The following CTNNA3 variants were observed in gnomAD, a reference collection of about 807,000 sequenced individuals.
CTNNA3 encodes the protein catenin alpha-3.
A neutral mutation model predicts 95.7 loss-of-function variants in CTNNA3; 76 were observed. The ratio of observed to expected loss-of-function variants is 0.79; its 90% confidence interval spans 0.66 to 0.96. The LOEUF is 0.96. Ranked by LOEUF, CTNNA3 falls within the 40% of genes least tolerant of loss-of-function variation. CTNNA3 has a pLI of 0.00. For missense variants in CTNNA3, 1,191 were observed against 1,089.8 expected (o/e 1.09, Z -1.31); for synonymous variants, 431 against 374.4 (o/e 1.15, Z -1.74).
intron 7 of CTNNA3, among the ~76,000 whole-genome samples, chr10:67,073,192 A>C (rs1234184728): frequency 6.6e-6 from 1 of 152,172 alleles, no homozygotes; most frequent in African/African-American, 2.4e-5. Flanking sequence ...TATCTAATTT[A>C]TTTGGTTTGT....
chr10:67,176,854 AG>A (rs1301608399), intron 7 of CTNNA3: 1 of 456,202 alleles, frequency 2.2e-6, no homozygotes, highest in South Asian at 1.6e-5. Flanking sequence ...CCAAGGAATG[AG>A]GGTGACCTCT....
chr10:66,339,153 T>G lies in CTNNA3; in HGVS notation c.1732+39999A>C, dbSNP rs183000450. Reference sequence around the variant, plus strand: ...AGCTAACACATATGAAACATGTGCATTCTTAAACACAGTGAGCAACACATG... The same window carrying G: ...AGCTAACACATATGAAACATGTGCAGTCTTAAACACAGTGAGCAACACATG... On this transcript the variant is annotated intron_variant, in intron 12 of 17. Coordinates refer to ENST00000433211, the MANE Select transcript of CTNNA3 (RefSeq NM_013266.4). Among the ~76,000 whole-genome samples, 1,219 of 152,012 alleles carry G rather than the reference T, an allele frequency of 8.0e-3. 22 individuals carry two copies. Among genetic ancestry groups the G allele is most frequent in the African/African-American group, 0.028 (1,159 of 41,556 alleles).
intron 13 of CTNNA3, among the ~76,000 whole-genome samples, chr10:66,147,802 T>TATAGTATGC (rs1273947006): frequency 6.6e-6 from 1 of 151,070 alleles, no homozygotes; most frequent in Non-Finnish European, 1.5e-5. Context: ...GTATAGTATG[T>TATAGTATGC]ATGTATAGTA....
chr10:66,228,381 A>G (rs1589792173), intron 13 of CTNNA3, among the ~76,000 whole-genome samples: 1 of 151,870 alleles, frequency 6.6e-6, no homozygotes, highest in East Asian at 1.9e-4. Context: ...CATTTCTTTG[A>G]AGAAATTTCT....
At chr10:66,308,205 GC>G (rs1199690990) in intron 12 of CTNNA3, among the ~76,000 whole-genome samples, 1 of 152,122 alleles carries the variant, frequency 6.6e-6, no homozygotes, top group African/African-American at 2.4e-5. Flanking sequence ...AGAAAAAATA[GC>G]CAGGCCTTGA....
chr10:67,632,126 CCACACACACA>C (rs71006156), intron 2 of CTNNA3, among the ~76,000 whole-genome samples: 9,062 of 139,034 alleles, frequency 0.065, 310 homozygotes, highest in South Asian at 0.11. Flanking sequence ...AGTGTCTTAG[CCACACACACA>C]CACACACACA....
At chr10:67,358,418 C>T (rs564838054) in intron 5 of CTNNA3, among the ~76,000 whole-genome samples, 2 of 152,248 alleles carry the variant, frequency 1.3e-5, no homozygotes, top group African/African-American at 4.8e-5. Flanking sequence ...AACCATCACA[C>T]TTTGCACAGA....
rs190206043 is a variant in CTNNA3, at chr10:67,126,255, G to A, written c.1047+54062C>T. On this transcript the variant is annotated intron_variant, in intron 7 of 17. Transcript: ENST00000433211. Reference sequence around the variant, plus strand: ...ATAAGAATACAAAATTAGGCCAGGCGTGGTGGCTCACGCCTGTAATCCCAG... The same window carrying A: ...ATAAGAATACAAAATTAGGCCAGGCATGGTGGCTCACGCCTGTAATCCCAG... 5.9e-5 allele frequency among the ~76,000 whole-genome samples: 9 copies of A among 152,318 alleles called. No homozygotes were observed. The East Asian group carries it at 1.2e-3, about 20-fold the overall frequency.
At chr10:66,952,814 G>T (rs1449076152) in intron 7 of CTNNA3, among the ~76,000 whole-genome samples, 2 of 151,724 alleles carry the variant, frequency 1.3e-5, no homozygotes, top group Non-Finnish European at 2.9e-5. Flanking sequence ...AGCCCTGCTT[G>T]TAATTTATTA....
chr10:66,484,990 T>C (rs929637374), intron 11 of CTNNA3, among the ~76,000 whole-genome samples: 3 of 152,158 alleles, frequency 2.0e-5, no homozygotes, highest in Admixed American at 1.3e-4. Context: ...AAAAACTATA[T>C]GGTTATATCA....
rs768710407 is a variant in CTNNA3 at position 67,648,732 on chromosome 10, T to G, written c.-5-1214A>C. The G allele has an allele frequency of 2.7e-4, 348 of 1,289,464 alleles. No individual in the cohort carries two copies. Among genetic ancestry groups the G allele is most frequent in the Non-Finnish European group, 3.5e-4 (343 of 988,690 alleles). The allele number at this position is 1,289,464 out of a possible 1,614,324, so 79.9% of individuals were successfully genotyped here. ...AAGTCAAAGCCCTACAATTTAGCCC[T>G]GTTTTACCTTGTTTCTCTCTCCTTT... On this transcript the variant is annotated intron_variant, in intron 1 of 17. Coordinates refer to ENST00000433211, the MANE Select transcript of CTNNA3 (RefSeq NM_013266.4).
At chr10:66,251,869 C>T (rs2135731) in intron 13 of CTNNA3, among the ~76,000 whole-genome samples, 25,427 of 152,044 alleles carry the variant, frequency 0.17, 2,437 homozygotes, top group Admixed American at 0.26. Context: ...TTTATCATCC[C>T]CATTTTGCAA....
chr10:67,736,484 C>T (rs1450815248), intron 1 of CTNNA3, among the ~76,000 whole-genome samples: 1 of 125,596 alleles, frequency 8.0e-6, no homozygotes, highest in African/African-American at 3.1e-5. Context: ...GAGACGGAGT[C>T]TCTCTCTGTC....
intron 7 of CTNNA3, among the ~76,000 whole-genome samples, chr10:67,073,780 T>C (rs1856590420): frequency 6.6e-6 from 1 of 152,150 alleles, no homozygotes; most frequent in Non-Finnish European, 1.5e-5. Context: ...AAAATTCTCA[T>C]GAAAAATGCT....
Position 66,793,122 on chromosome 10 carries a change from G to C in CTNNA3, c.1048-17598C>G, listed in dbSNP as rs142299034. ...AATCCACAGGTGTAATGAGGTTTTG[G>C]GGGGAGTAGGTTTTTGTTTCATTTT... On this transcript the variant is annotated intron_variant, in intron 7 of 17. Coordinates refer to ENST00000433211, the MANE Select transcript of CTNNA3 (RefSeq NM_013266.4). Among the ~76,000 whole-genome samples the C allele has an allele frequency of 6.0e-4, 91 of 152,024 alleles. 2 individuals carry two copies. The East Asian group carries it at 0.014, about 24-fold the overall frequency.
In CTNNA3 at chr10:66,234,579, T is replaced by C. The variant is rs146008577; in HGVS notation, c.1884+45891A>G. On this transcript the variant is annotated intron_variant, in intron 13 of 17. Coordinates refer to ENST00000433211, the MANE Select transcript of CTNNA3 (RefSeq NM_013266.4). ...AAGATCTAATTTTTATAAAATTGTG[T>C]TACAAGTATTTGATTGAGACTGACA... Among the ~76,000 whole-genome samples the C allele has an allele frequency of 4.4e-3, 665 of 152,342 alleles. 3 individuals carry two copies. The highest frequency in any genetic ancestry group is 7.1e-3 in the Non-Finnish European group (484 of 68,032).
At chr10:67,600,211 A>G (rs1469833175) in intron 3 of CTNNA3, among the ~76,000 whole-genome samples, 2 of 152,160 alleles carry the variant, frequency 1.3e-5, no homozygotes, top group Non-Finnish European at 2.9e-5. Context: ...TCTAATTCAC[A>G]CAATTCATAA....
chr10:67,542,250 A>G (rs992659099), intron 3 of CTNNA3, among the ~76,000 whole-genome samples: 1 of 152,074 alleles, frequency 6.6e-6, no homozygotes, highest in Non-Finnish European at 1.5e-5. Flanking sequence ...ATCACTTCCT[A>G]TGGGAAGCTT....
intron 5 of CTNNA3, among the ~76,000 whole-genome samples, chr10:67,388,481 A>T (rs1844296428): frequency 1.6e-5 from 2 of 126,088 alleles, no homozygotes; most frequent in Middle Eastern, 3.8e-3. Context: ...GTTGGAAAAC[A>T]CTCTGCAGGA....
Sources: gnomAD v4.1 joint callset for allele counts (sites outside exome capture counted in the v4.1 genomes callset) on GRCh38, gnomAD v4.1.1 for gene constraint, MANE v1.5 for transcripts, NCBI Gene and HGNC (gene_info 2026-07-23, HGNC 2026-07-21) for gene names.